The following SHLD1 variants were observed in gnomAD, a reference collection of about 807,000 sequenced individuals.
SHLD1 encodes shieldin complex subunit 1.
A neutral mutation model predicts 5.5 loss-of-function variants in SHLD1; 3 were observed. The observed-to-expected ratio is 0.54, with a 90% confidence interval of 0.25 to 1.40. The LOEUF is 1.40. Among genes scored for constraint, SHLD1 ranks in the 40% most tolerant of loss-of-function variants. The probability of loss-of-function intolerance (pLI) is 0.15; values close to 1 mark genes in which losing one functional copy is unlikely to be tolerated. For missense variants in SHLD1, 210 were observed against 244.4 expected (o/e 0.86, Z 0.94); for synonymous variants, 92 against 94.3 (o/e 0.98, Z 0.14).
At chr20:5,771,111 G>A (rs1422916002) in intron 1 of SHLD1, among the ~76,000 whole-genome samples, 1 of 152,142 alleles carries the variant, frequency 6.6e-6, no homozygotes, top group African/African-American at 2.4e-5. Flanking sequence ...TGTACACTAT[G>A]CTTAGCTTTA....
chr20:5,847,354 T>C (rs1432952961), intron 2 of SHLD1, among the ~76,000 whole-genome samples: 3 of 152,212 alleles, frequency 2.0e-5, no homozygotes, highest in African/African-American at 4.8e-5. Flanking sequence ...CCTTTGGTAG[T>C]GATAAGCCGA....
intron 2 of SHLD1, among the ~76,000 whole-genome samples, chr20:5,774,183 G>A (rs547728003): frequency 8.5e-5 from 13 of 152,166 alleles, no homozygotes; most frequent in African/African-American, 2.4e-4. Flanking sequence ...CAGTCTGAGC[G>A]AAAGAGCAAA....
intron 2 of SHLD1, among the ~76,000 whole-genome samples, chr20:5,783,386 G>A (rs1417724059): frequency 2.0e-5 from 3 of 152,078 alleles, no homozygotes; most frequent in Non-Finnish European, 4.4e-5. Context: ...ACCACACCCG[G>A]CTAATTTTTG....
chr20:5,799,848 G>A (rs1248373956), intron 2 of SHLD1, among the ~76,000 whole-genome samples: 1 of 152,172 alleles, frequency 6.6e-6, no homozygotes, highest in African/African-American at 2.4e-5. Flanking sequence ...ACCTAAACAT[G>A]AGAACCTGGA....
rs377244445 is a variant in SHLD1, at chr20:5,772,834, C to T, written c.-4-28C>T. On this transcript the variant is annotated intron_variant, in intron 1 of 2. Transcript: ENST00000303142. ...ATCCTGCTATGTGGTGCCTTTTGTACTGAATTGTTTTCTTTTTTCCATGGC... is the reference window on the plus strand; with the variant it reads ...ATCCTGCTATGTGGTGCCTTTTGTATTGAATTGTTTTCTTTTTTCCATGGC... The T allele has an allele frequency of 1.9e-6, 3 of 1,588,630 alleles. No homozygotes were observed. In the African/African-American group the frequency reaches 4.1e-5, roughly 22 times the overall value.
At chr20:5,829,233 TTTAATAAC>T (rs770373149) in intron 2 of SHLD1, among the ~76,000 whole-genome samples, 7 of 152,188 alleles carry the variant, frequency 4.6e-5, no homozygotes, top group African/African-American at 7.2e-5. Flanking sequence ...ACAAATGATG[TTTAATAAC>T]ATGAAAAAAG....
At chr20:5,810,249 T>G (rs1836344384) in intron 2 of SHLD1, among the ~76,000 whole-genome samples, 1 of 150,510 alleles carries the variant, frequency 6.6e-6, no homozygotes, top group Non-Finnish European at 1.5e-5. Context: ...AAAGCAAGAC[T>G]CTGTCTCGGA....
intron 2 of SHLD1, among the ~76,000 whole-genome samples, chr20:5,826,961 A>C: frequency 6.8e-6 from 1 of 146,190 alleles, no homozygotes; most frequent in Non-Finnish European, 1.5e-5. Flanking sequence ...TTTCTCCCAG[A>C]CCCTCCCTCT....
chr20:5,772,790 G>C, intron 1 of SHLD1, 72 bp from the exon 2 acceptor site: 1 of 1,328,886 alleles, frequency 7.5e-7, no homozygotes, highest in Non-Finnish European at 1.0e-6. Context: ...AATTCTTCAA[G>C]CTCTGTCTCC....
At chr20:5,789,443 G>A (rs900909141) in intron 2 of SHLD1, among the ~76,000 whole-genome samples, 2 of 151,576 alleles carry the variant, frequency 1.3e-5, no homozygotes, top group Admixed American at 1.3e-4. Context: ...TGGGCGTGGT[G>A]GTGGGCACCT....
At chr20:5,824,079 C>G (rs2087638678) in intron 2 of SHLD1, among the ~76,000 whole-genome samples, 1 of 152,206 alleles carries the variant, frequency 6.6e-6, no homozygotes, top group Admixed American at 6.5e-5. Context: ...CAAGCTGCTC[C>G]ATCAGCTCTC....
chr20:5,799,155 A>G (rs1158420518), intron 2 of SHLD1, among the ~76,000 whole-genome samples: 1 of 151,620 alleles, frequency 6.6e-6, no homozygotes, highest in Non-Finnish European at 1.5e-5. Context: ...GTGAGTCGTG[A>G]TTGCACCACT....
intron 2 of SHLD1, among the ~76,000 whole-genome samples, chr20:5,844,817 C>G (rs2087913081): frequency 9.4e-6 from 1 of 106,624 alleles, no homozygotes; most frequent in African/African-American, 4.0e-5. Flanking sequence ...TTTTTTGAGA[C>G]ACAGTCTCAC....
intron 2 of SHLD1, among the ~76,000 whole-genome samples, chr20:5,786,677 G>A (rs1187619866): frequency 1.3e-5 from 2 of 152,188 alleles, no homozygotes; most frequent in South Asian, 2.1e-4. Flanking sequence ...CCCATGCCCT[G>A]AAGGAAGGAG....
At chr20:5,830,516 C>T (rs1600162416) in intron 2 of SHLD1, among the ~76,000 whole-genome samples, 1 of 151,956 alleles carries the variant, frequency 6.6e-6, no homozygotes, top group East Asian at 1.9e-4. Flanking sequence ...ATGACCAACC[C>T]TGTCTCTACT....
chr20:5,857,437 T>G (rs73596875), intron 2 of SHLD1, among the ~76,000 whole-genome samples: 3,757 of 152,106 alleles, frequency 0.025, 160 homozygotes, highest in African/African-American at 0.086. Flanking sequence ...CAGCTTCCCA[T>G]CCAAGCAGCA....
chr20:5,843,396 G>A (rs1016468114), intron 2 of SHLD1, among the ~76,000 whole-genome samples: 1 of 149,872 alleles, frequency 6.7e-6, no homozygotes, highest in Non-Finnish European at 1.5e-5. Flanking sequence ...GCCAAGACAA[G>A]TTTTTGTTTG....
intron 1 of SHLD1, among the ~76,000 whole-genome samples, chr20:5,766,771 A>AT (rs540713204): frequency 1.0e-3 from 155 of 152,130 alleles, no homozygotes; most frequent in Non-Finnish European, 7.8e-4. Context: ...AATTAATTAT[A>AT]TTTTTTCTCT....
At chr20:5,758,968 T>C (rs1984299396) in intron 1 of SHLD1, among the ~76,000 whole-genome samples, 2 of 149,020 alleles carry the variant, frequency 1.3e-5, no homozygotes, top group South Asian at 4.3e-4. Flanking sequence ...TTTTTTTTTT[T>C]TTCTGAGATG....
Sources: gnomAD v4.1 joint callset for allele counts (sites outside exome capture counted in the v4.1 genomes callset) on GRCh38, gnomAD v4.1.1 for gene constraint, MANE v1.5 for transcripts, NCBI Gene and HGNC (gene_info 2026-07-23, HGNC 2026-07-21) for gene names.